The following CDH4 variants were observed in gnomAD, a reference collection of about 807,000 sequenced individuals.
CDH4 encodes the protein cadherin 4, also known as cadherin-4.
Under a neutral mutation model 86.0 loss-of-function variants are expected in CDH4, and 33 were observed. The ratio of observed to expected loss-of-function variants is 0.38; its 90% confidence interval spans 0.29 to 0.51. CDH4 has a LOEUF of 0.51. Among genes scored for constraint, CDH4 ranks in the 20% least tolerant of loss-of-function variants. CDH4 has a pLI of 0.86. For synonymous variants in CDH4, 555 were observed against 549.4 expected (o/e 1.01, Z -0.14); for missense variants, 1,114 against 1,307.4 (o/e 0.85, Z 2.28).
intron 2 of CDH4, among the ~76,000 whole-genome samples, chr20:61,418,325 C>G (rs1204136852): frequency 6.6e-6 from 1 of 151,860 alleles, no homozygotes; most frequent in Non-Finnish European, 1.5e-5. Context: ...ATTCTCCTGC[C>G]TCAGCCTCCT....
chr20:61,489,444 A>C (rs559723551), intron 2 of CDH4, among the ~76,000 whole-genome samples: 8 of 152,244 alleles, frequency 5.3e-5, no homozygotes, highest in Non-Finnish European at 1.0e-4. Flanking sequence ...AAAGAGATGC[A>C]AGAGAATGTT....
chr20:61,557,976 T>C (rs2086189921), intron 2 of CDH4, among the ~76,000 whole-genome samples: 1 of 152,164 alleles, frequency 6.6e-6, no homozygotes, highest in Non-Finnish European at 1.5e-5. Flanking sequence ...ATAAAATGGT[T>C]CTTGTAGTAG....
intron 2 of CDH4, chr20:61,719,103 C>A: frequency 2.1e-6 from 1 of 471,144 alleles, no homozygotes. Flanking sequence ...AAAATCGTAT[C>A]CCAGCCTCTT....
chr20:61,318,229 C>A (rs139318464), intron 2 of CDH4, among the ~76,000 whole-genome samples: 1 of 152,146 alleles, frequency 6.6e-6, no homozygotes, highest in Non-Finnish European at 1.5e-5. Context: ...TTTGCGTTGA[C>A]GACTCTCCCG....
At chr20:61,828,806 A>G (rs986184033) in intron 4 of CDH4, among the ~76,000 whole-genome samples, 1 of 152,220 alleles carries the variant, frequency 6.6e-6, no homozygotes, top group Non-Finnish European at 1.5e-5. Context: ...GTATGCTTGT[A>G]AAGATAAGAT....
chr20:61,779,410 C>T (rs1337865491), intron 4 of CDH4, among the ~76,000 whole-genome samples: 2 of 152,168 alleles, frequency 1.3e-5, no homozygotes, highest in Admixed American at 6.5e-5. Flanking sequence ...GCTCCACAGT[C>T]GCGGAGCCTG....
chr20:61,256,235 C>T (rs1217911844), intron 2 of CDH4, among the ~76,000 whole-genome samples: 1 of 152,182 alleles, frequency 6.6e-6, no homozygotes, highest in Admixed American at 6.5e-5. Flanking sequence ...TCTCTTATAA[C>T]TCGTGGGGCA....
chr20:61,826,817 C>T (rs908619560), intron 4 of CDH4, among the ~76,000 whole-genome samples: 4 of 152,160 alleles, frequency 2.6e-5, no homozygotes, highest in Non-Finnish European at 5.9e-5. Flanking sequence ...CTACCTGTCT[C>T]CTCACCTCTG....
chr20:61,608,688 C>T (rs369787151), intron 2 of CDH4, among the ~76,000 whole-genome samples: 5 of 152,258 alleles, frequency 3.3e-5, no homozygotes, highest in African/African-American at 1.2e-4. Flanking sequence ...CTGTGCTCTC[C>T]TGGTCACTGG....
At chr20:61,712,835 T>C (rs990173412) in intron 2 of CDH4, among the ~76,000 whole-genome samples, 5 of 151,990 alleles carry the variant, frequency 3.3e-5, no homozygotes, top group Non-Finnish European at 4.4e-5. Context: ...GCCCATGCGG[T>C]CCCCTGGGCA....
chr20:61,264,922 T>C (rs368220420), intron 2 of CDH4, among the ~76,000 whole-genome samples: 187 of 120,968 alleles, frequency 1.5e-3, no homozygotes, highest in African/African-American at 5.2e-3. Context: ...TACACATACC[T>C]CAGTGGCTCC....
intron 2 of CDH4, among the ~76,000 whole-genome samples, chr20:61,348,999 G>T (rs1047260199): frequency 6.6e-6 from 1 of 152,216 alleles, no homozygotes; most frequent in Admixed American, 6.5e-5. Context: ...TAACAGTGGT[G>T]GTGGGAGGGC....
chr20:61,742,541 C>T (rs1006062326), intron 2 of CDH4, among the ~76,000 whole-genome samples: 13 of 151,702 alleles, frequency 8.6e-5, no homozygotes, highest in African/African-American at 3.1e-4. Context: ...TAAGCTGTGA[C>T]AGCAAAATTG....
At chr20:61,872,362 G>A (rs1983842210) in intron 6 of CDH4, among the ~76,000 whole-genome samples, 1 of 152,256 alleles carries the variant, frequency 6.6e-6, no homozygotes, top group African/African-American at 2.4e-5. Context: ...GGGATGAGGA[G>A]GAGTTGGCCA....
intron 4 of CDH4, among the ~76,000 whole-genome samples, chr20:61,804,577 G>GTAAGGAGCATCCCTCT (rs1231622888): frequency 6.6e-6 from 1 of 152,170 alleles, no homozygotes; most frequent in Non-Finnish European, 1.5e-5. Flanking sequence ...TTACCATATG[G>GTAAGGAGCATCCCTCT]GTTCCCCTCT....
chr20:61,472,779 C>G (rs970318595), intron 2 of CDH4, among the ~76,000 whole-genome samples: 9 of 152,192 alleles, frequency 5.9e-5, no homozygotes, highest in African/African-American at 2.2e-4. Flanking sequence ...TTGATTATTA[C>G]TTTTTTCAGC....
intron 2 of CDH4, among the ~76,000 whole-genome samples, chr20:61,444,703 CTG>C (rs2085337463): frequency 1.0e-5 from 1 of 97,912 alleles, no homozygotes; most frequent in Middle Eastern, 9.6e-3. Flanking sequence ...ACATCTGTGT[CTG>C]TGTGTATATT....
At chr20:61,371,977 A>G (rs2084843408) in intron 2 of CDH4, among the ~76,000 whole-genome samples, 1 of 152,130 alleles carries the variant, frequency 6.6e-6, no homozygotes, top group South Asian at 2.1e-4. Context: ...TAATGAGGTC[A>G]CGGGCAGGCC....
rs566926597 is a variant in CDH4 at position 61,492,120 on chromosome 20, G to A, written c.169+237183G>A. Reference sequence around the variant, plus strand: ...TGGTGGTGTTGATGTTGGTGGTGTCGATATTGTTAATGTTGGTGGTGTCGA... The same window carrying A: ...TGGTGGTGTTGATGTTGGTGGTGTCAATATTGTTAATGTTGGTGGTGTCGA... On this transcript the variant is annotated intron_variant, in intron 2 of 15. Coordinates refer to ENST00000614565, the MANE Select transcript of CDH4 (RefSeq NM_001794.5). Among the ~76,000 whole-genome samples, 12 of 151,430 alleles carry A rather than the reference G, an allele frequency of 7.9e-5. No individual in the cohort carries two copies. The South Asian group carries it at 1.7e-3, about 21-fold the overall frequency.
Sources: gnomAD v4.1 joint callset for allele counts (sites outside exome capture counted in the v4.1 genomes callset) on GRCh38, gnomAD v4.1.1 for gene constraint, MANE v1.5 for transcripts, NCBI Gene and HGNC (gene_info 2026-07-23, HGNC 2026-07-21) for gene names.